BRME1: variants seen among roughly 807,000 people sequenced by gnomAD.
BRME1 encodes the protein BRCA2 and MEILB2-associating protein 1.
In BRME1, 31 loss-of-function variants were observed where a neutral mutation model predicts 52.6. The ratio of observed to expected loss-of-function variants is 0.59; its 90% CI spans 0.44 to 0.80. BRME1 has a LOEUF of 0.80. BRME1 is among the 30% of genes least tolerant of loss of function. The pLI is 0.00. For missense variants in BRME1, 804 were observed against 860.3 expected (o/e 0.93, Z 0.82); for synonymous variants, 359 against 353.6 (o/e 1.02, Z -0.17).
At chr19:13,894,353 C>T (rs1969729518) in intron 3 of BRME1, among the ~76,000 whole-genome samples, 2 of 151,994 alleles carry the variant, frequency 1.3e-5, no homozygotes, top group Admixed American at 6.6e-5. Context: ...GGTGAAACCC[C>T]GTCTCTACTA....
At position 13,882,556 on chromosome 19, in the gene BRME1, C is replaced by T. The variant is rs1408130861; in HGVS notation, c.*246G>A. 4 of 560,818 alleles carry T rather than the reference C, an allele frequency of 7.1e-6. No individual in the cohort carries two copies. In the South Asian group the frequency reaches 7.5e-5, roughly 11 times the overall value. 34.7% of individuals were successfully genotyped at this position (560,818 alleles called of 1,614,324 possible). ...TGGCCAGCTTCCTGGAGCCCAGGCC[C>T]GCTTGAAGTCACTGGGGCTGTGGGA... On this transcript the variant is annotated 3_prime_UTR_variant, in exon 9 of 9. Transcript: ENST00000586783.
chr19:13,901,314 AT>A (rs1970278070), intron 2 of BRME1, among the ~76,000 whole-genome samples: 1 of 152,062 alleles, frequency 6.6e-6, no homozygotes, highest in Non-Finnish European at 1.5e-5. Flanking sequence ...ATGAAATTGT[AT>A]AGGTATGTTG....
chr19:13,891,310 C>T (rs1214249517), intron 5 of BRME1, among the ~76,000 whole-genome samples: 1 of 151,702 alleles, frequency 6.6e-6, no homozygotes, highest in Non-Finnish European at 1.5e-5. Flanking sequence ...CCACCATGCC[C>T]GGCTAATTTT....
chr19:13,901,029 C>T (rs144237735), intron 2 of BRME1, among the ~76,000 whole-genome samples: 3 of 152,130 alleles, frequency 2.0e-5, no homozygotes, highest in African/African-American at 7.2e-5. Flanking sequence ...GGCTGGAGTG[C>T]AGGCGCAATC....
intron 6 of BRME1, 128 bp downstream of exon 6, chr19:13,889,060 T>C (rs1350733815): frequency 7.1e-6 from 6 of 850,144 alleles, no homozygotes; most frequent in Middle Eastern, 3.6e-4. Context: ...CCTATAGTCG[T>C]TGGCTGTGTA....
intron 2 of BRME1, among the ~76,000 whole-genome samples, chr19:13,896,269 CA>C (rs920418930): frequency 1.4e-5 from 2 of 143,814 alleles, no homozygotes; most frequent in East Asian, 2.0e-4. Context: ...GACTCTGTCT[CA>C]AAAAAAAATT....
rs2013999 is a variant in BRME1, at chr19:13,888,927, G to C, written c.1668+261C>G. On this transcript the variant is annotated intron_variant, in intron 6 of 8. Coordinates refer to ENST00000586783, the MANE Select transcript of BRME1 (RefSeq NM_001345843.2). The surrounding 1 kb of genome is among the most constrained non-coding windows in gnomAD (Gnocchi z 4.1). ...CCTGGGGACTCCAGTTCAATGTGGG[G>C]GGCCCGGCTGAGAAAGCAGCTGTGT... Among the ~76,000 whole-genome samples, 50,269 of 152,054 alleles carry C rather than the reference G, an allele frequency of 0.33. 10,981 individuals carry two copies. The highest frequency in any genetic ancestry group is 0.63 in the African/African-American group (25,925 of 41,452).
rs1376385433 is a variant in BRME1, at chr19:13,888,088, C to T, written c.1668+1100G>A. Among the ~76,000 whole-genome samples, 3 of 152,248 alleles carry T rather than the reference C, an allele frequency of 2.0e-5. No individual in the cohort carries two copies. The highest frequency in any genetic ancestry group is 4.4e-5 in the Non-Finnish European group (3 of 68,026). On this transcript the variant is annotated intron_variant, in intron 6 of 8. Transcript: ENST00000586783. The surrounding 1 kb of genome is among the most constrained non-coding windows in gnomAD (Gnocchi z 4.1). The stretch of plus-strand genomic sequence containing the variant: ...TAGAGGCACACGCCACCATGCCCAG[C>T]TAATTTTTGTATTTTGGTAGAGATG...
chr19:13,900,670 T>G (rs1970235456), intron 2 of BRME1, among the ~76,000 whole-genome samples: 1 of 152,162 alleles, frequency 6.6e-6, no homozygotes, highest in African/African-American at 2.4e-5. Flanking sequence ...TATTGGGAGT[T>G]TGTCTTTCTG....
Position 13,903,245 on chromosome 19 carries a change from C to T in BRME1, c.31+1617G>A, listed in dbSNP as rs74787121. Among the ~76,000 whole-genome samples, 615 of 152,244 alleles carry T rather than the reference C, an allele frequency of 4.0e-3. 3 individuals carry two copies. The highest frequency in any genetic ancestry group is 0.014 in the African/African-American group (589 of 41,554). On this transcript the variant is annotated intron_variant, in intron 2 of 8. Coordinates refer to ENST00000586783, the MANE Select transcript of BRME1 (RefSeq NM_001345843.2). ...TGTGAGCTCTAAGGGCAGGATTCTTCACCTTGGAGGACATTTGGGGCTGGA... is the reference window on the plus strand; with the variant it reads ...TGTGAGCTCTAAGGGCAGGATTCTTTACCTTGGAGGACATTTGGGGCTGGA...
rs1165333534 is a variant in BRME1 at position 13,889,478 on chromosome 19, C to T, written c.1378G>A (p.Glu460Lys). 2.5e-6 allele frequency: 4 copies of T among 1,613,794 alleles called. No individual in the cohort carries two copies. Among genetic ancestry groups the T allele is most frequent in the East Asian group, 2.2e-5 (1 of 44,892 alleles). Residue 460 changes from glutamate to lysine, a missense_variant, in exon 6 of 9, where the codon GAG (glutamate) becomes AAG (lysine). Around this residue, in one of 3 missense-constraint regions of BRME1, gnomAD observed 552 missense variants for 561.1 expected, o/e 0.98. Transcript: ENST00000586783. ...QEPGPAQEEA[E>K]LGGQNLERDL... Reference sequence around the variant, plus strand: ...CGTTCGAGGTTCTGGCCACCTAACTCGGCTTCCTCTTGAGCAGGACCTGGC... The same window carrying T: ...CGTTCGAGGTTCTGGCCACCTAACTTGGCTTCCTCTTGAGCAGGACCTGGC...
At position 13,889,771 on chromosome 19, in the gene BRME1, T is replaced by G. The variant is rs1179949795; in HGVS notation, c.1085A>C (p.Gln362Pro). Residue 362 changes from glutamine (Q) to proline (P), a missense_variant, in exon 6 of 9, where the codon CAG (glutamine) becomes CCG (proline). Physicochemically the swap from Gln to Pro is moderately conservative, Grantham distance 76. This residue lies in a region of BRME1 where 552 missense variants were observed against 561.1 expected (regional missense o/e 0.98). Coordinates refer to ENST00000586783, the MANE Select transcript of BRME1 (RefSeq NM_001345843.2). ...RALEVAGPDG[Q>P]ASAISPASPR... ...AGAGGCAGGTGATATGGCACTGGCC[T>G]GCCCATCGGGCCCAGCCACCTCCAG... The G allele has an allele frequency of 6.2e-7, 1 of 1,611,684 alleles. No homozygotes were observed. Among genetic ancestry groups the G allele is most frequent in the African/African-American group, 1.3e-5 (1 of 74,940 alleles).
chr19:13,892,952 A>G, intron 4 of BRME1, 62 bp from the exon 5 acceptor site: 1 of 1,518,742 alleles, frequency 6.6e-7, no homozygotes, highest in East Asian at 2.3e-5. Context: ...GGTCTTAGGA[A>G]AAAAGCAACC....
At chr19:13,895,308 C>G in intron 3 of BRME1, 64 bp downstream of exon 3, 1 of 1,509,792 alleles carries the variant, frequency 6.6e-7, no homozygotes, top group Non-Finnish European at 9.0e-7. Context: ...TTGCTGTCTG[C>G]TGAGCTGCTG....
At chr19:13,892,602 A>T (rs1213328502) in intron 5 of BRME1, among the ~76,000 whole-genome samples, 184 bp downstream of exon 5, 8 of 152,138 alleles carry the variant, frequency 5.3e-5, no homozygotes, top group African/African-American at 1.9e-4. Context: ...AAAAAGAAAA[A>T]AAATAAAATA....
chr19:13,892,077 A>C (rs1236505234), intron 5 of BRME1, among the ~76,000 whole-genome samples: 1 of 151,414 alleles, frequency 6.6e-6, no homozygotes, highest in Non-Finnish European at 1.5e-5. Context: ...ATCTCAAAAA[A>C]AAAAAAAAAT....
intron 2 of BRME1, among the ~76,000 whole-genome samples, chr19:13,898,339 AGGTGTGGT>A: frequency 6.6e-6 from 1 of 152,014 alleles, no homozygotes; most frequent in South Asian, 2.1e-4. Flanking sequence ...ACCAACAGCC[AGGTGTGGT>A]GGTGCACACC....
chr19:13,889,319 G>A lies in BRME1; in HGVS notation c.1537C>T (p.Arg513Ter), dbSNP rs1969274369. The A allele has an allele frequency of 3.1e-6, 5 of 1,614,106 alleles. No individual in the cohort carries two copies. The highest frequency in any genetic ancestry group is 2.7e-5 in the African/African-American group (2 of 75,040). The change falls in exon 6 of 9, where the codon CGA (arginine) becomes TGA (stop). Residue 513 changes from arginine to a stop codon, truncating the protein, a stop_gained. Transcript: ENST00000586783. LOFTEE classifies it high-confidence loss of function. ...PDTTSELAGQ[R>*]DHLPHSADQG... is the part of the protein sequence containing the mutation. ...TCTGCAGAATGAGGCAGGTGGTCTCGCTGCCCTGCCAGCTCTGAGGTGGTG... is the reference window on the plus strand; with the variant it reads ...TCTGCAGAATGAGGCAGGTGGTCTCACTGCCCTGCCAGCTCTGAGGTGGTG...
intron 5 of BRME1, among the ~76,000 whole-genome samples, chr19:13,891,109 C>T (rs887342687): frequency 6.9e-6 from 1 of 144,376 alleles, no homozygotes; most frequent in East Asian, 2.0e-4. Flanking sequence ...AGGTGGCATT[C>T]AGACCACACC....
Sources: gnomAD v4.1 joint callset for allele counts (sites outside exome capture counted in the v4.1 genomes callset) on GRCh38, gnomAD v4.1.1 for gene constraint, gnomAD v4.1.1 regional missense constraint, Gnocchi (gnomAD v3.1) non-coding constraint, MANE v1.5 for transcripts, NCBI Gene and HGNC (gene_info 2026-07-23, HGNC 2026-07-21) for gene names.